Variants in DNAAF9 observed in about 807,000 individuals in gnomAD.
DNAAF9 encodes the protein dynein axonemal assembly factor 9.
DNAAF9 carries 90 observed loss-of-function variants against 167.0 expected under a neutral mutation model. The observed-to-expected ratio is 0.54, with a 90% CI of 0.45 to 0.64. DNAAF9 has a LOEUF of 0.64. Among genes scored for constraint, DNAAF9 ranks in the 30% least tolerant of loss-of-function variants. DNAAF9 has a pLI of 0.00. For synonymous variants in DNAAF9, 491 were observed against 508.8 expected, an observed-to-expected ratio of 0.96 and a Z score of 0.47; for missense variants, 1,315 against 1,442.2, an observed-to-expected ratio of 0.91 and a Z score of 1.43.
intron 12 of DNAAF9, among the ~76,000 whole-genome samples, chr20:3,328,266 C>G (rs1040876418): frequency 2.0e-5 from 3 of 151,486 alleles, no homozygotes; most frequent in Non-Finnish European, 4.4e-5. Flanking sequence ...ACTGCAACCT[C>G]TGCCTCCCGG....
At chr20:3,282,596 G>A (rs1952364462) in intron 27 of DNAAF9, among the ~76,000 whole-genome samples, 1 of 152,184 alleles carries the variant, frequency 6.6e-6, no homozygotes. Flanking sequence ...CACTCTGTGT[G>A]AAAGCCAAAG....
At chr20:3,360,623 G>A (rs1466829350) in intron 6 of DNAAF9, among the ~76,000 whole-genome samples, 2 of 152,138 alleles carry the variant, frequency 1.3e-5, no homozygotes, top group Non-Finnish European at 2.9e-5. Context: ...GGGATCTGCT[G>A]TGCACACCGG....
intron 25 of DNAAF9, among the ~76,000 whole-genome samples, chr20:3,290,604 T>C (rs1450495614): frequency 6.6e-6 from 1 of 152,112 alleles, no homozygotes; most frequent in African/African-American, 2.4e-5. Flanking sequence ...TTCAGGGATA[T>C]TATGACTTTT....
intron 28 of DNAAF9, among the ~76,000 whole-genome samples, chr20:3,279,451 G>A (rs1225377658): frequency 6.6e-6 from 1 of 152,190 alleles, no homozygotes; most frequent in African/African-American, 2.4e-5. Flanking sequence ...TGAATTACAA[G>A]TGAAGCAAGA....
intron 3 of DNAAF9, among the ~76,000 whole-genome samples, chr20:3,380,489 T>C (rs2083633755): frequency 6.6e-6 from 1 of 152,210 alleles, no homozygotes; most frequent in African/African-American, 2.4e-5. Context: ...CTGTGCATTG[T>C]AGATGTTTAG....
At position 3,300,202 on chromosome 20, in the gene DNAAF9, C is replaced by A. The variant is rs556634749; in HGVS notation, c.1783-2027G>T. Among the ~76,000 whole-genome samples, 36 of 152,280 alleles carry A rather than the reference C, an allele frequency of 2.4e-4. 1 individual carries two copies. The South Asian group carries it at 7.5e-3, about 32-fold the overall frequency. ...GTTAAGTGTGAGCCACTGCGCCCGG[C>A]AGCGTTTTCCTATCTGCAAAAAATG... On this transcript the variant is annotated intron_variant, in intron 21 of 36. Coordinates refer to ENST00000252032, the MANE Select transcript of DNAAF9 (RefSeq NM_001009984.3).
At chr20:3,389,482 G>A (rs950800679) in intron 1 of DNAAF9, among the ~76,000 whole-genome samples, 1 of 151,952 alleles carries the variant, frequency 6.6e-6, no homozygotes, top group Non-Finnish European at 1.5e-5. Context: ...GTTAAAAATA[G>A]TCAGCTGGGC....
intron 20 of DNAAF9, among the ~76,000 whole-genome samples, chr20:3,305,598 C>G (rs1306967508): frequency 6.6e-6 from 1 of 152,240 alleles, no homozygotes; most frequent in Non-Finnish European, 1.5e-5. Flanking sequence ...TGAGGGCTGC[C>G]TTCACATCCT....
At chr20:3,330,395 A>T (rs550445812) in intron 12 of DNAAF9, among the ~76,000 whole-genome samples, 279 of 151,914 alleles carry the variant, frequency 1.8e-3, no homozygotes, top group Non-Finnish European at 3.2e-3. Context: ...GGTGTGCACC[A>T]CTATGCCTGG....
intron 33 of DNAAF9, among the ~76,000 whole-genome samples, chr20:3,259,259 G>A (rs1484156608): frequency 6.6e-6 from 1 of 152,232 alleles, no homozygotes; most frequent in African/African-American, 2.4e-5. Flanking sequence ...AGGCGAGGAG[G>A]GCAAACCTCT....
intron 25 of DNAAF9, among the ~76,000 whole-genome samples, chr20:3,292,190 C>T (rs1242389460): frequency 1.3e-5 from 2 of 151,852 alleles, no homozygotes; most frequent in Admixed American, 6.6e-5. Flanking sequence ...AGTAGAGGCG[C>T]GGTTTCACCT....
chr20:3,286,675 C>G (rs2068858069), intron 27 of DNAAF9, among the ~76,000 whole-genome samples: 1 of 152,178 alleles, frequency 6.6e-6, no homozygotes, highest in African/African-American at 2.4e-5. Context: ...GGAAAGATGG[C>G]CTGCTAGGGT....
chr20:3,293,085 A>G (rs2068991785), intron 25 of DNAAF9, among the ~76,000 whole-genome samples: 1 of 151,658 alleles, frequency 6.6e-6, no homozygotes, highest in East Asian at 1.9e-4. Context: ...GACTCAAAAA[A>G]AAAAAAGACC....
rs181267755 is a variant in DNAAF9, at chr20:3,262,689, G to C, written c.2873+1749C>G. 2.1e-3 allele frequency among the ~76,000 whole-genome samples: 322 copies of C among 152,288 alleles called. 1 individual carries two copies. The highest frequency in any genetic ancestry group is 7.3e-3 in the African/African-American group (305 of 41,564). ...ACAGCACTTCTCTAGGCACCTGGTG[G>C]TGATTACAGGAGCCTCATGACCCAG... On this transcript the variant is annotated intron_variant, in intron 31 of 36. Transcript: ENST00000252032.
In DNAAF9 at chr20:3,407,337, T is replaced by C. The variant is rs149750934; in HGVS notation, c.83+138A>G. 956 of 711,292 alleles carry C rather than the reference T, an allele frequency of 1.3e-3. 24 individuals are homozygous for C. The Admixed American group carries it at 0.027, about 20-fold the overall frequency. 44.1% of individuals were successfully genotyped at this position (711,292 alleles called of 1,614,324 possible). A position where few individuals can be genotyped will look rare whatever the true frequency, so the allele number is the denominator to read the frequency against. The stretch of plus-strand genomic sequence containing the variant: ...CAGAGGGCGCCGTTCCTGGGAAAAA[T>C]TCCTCCCTGAGCCGTTCAGCAAAGA... On this transcript the variant is annotated intron_variant, in intron 1 of 36. Coordinates refer to ENST00000252032, the MANE Select transcript of DNAAF9 (RefSeq NM_001009984.3).
intron 34 of DNAAF9, 71 bp from the exon 35 acceptor site, chr20:3,255,355 G>T: frequency 1.1e-6 from 1 of 940,924 alleles, no homozygotes; most frequent in Non-Finnish European, 1.7e-6. Flanking sequence ...GGAGGGCTCT[G>T]GGCTCTATTA....
At chr20:3,327,178 C>A (rs937205780) in intron 12 of DNAAF9, among the ~76,000 whole-genome samples, 5 of 152,166 alleles carry the variant, frequency 3.3e-5, no homozygotes, top group African/African-American at 4.8e-5. Context: ...AGGGAACCAC[C>A]TAAGGTGGTT....
chr20:3,378,511 G>A (rs1438204966), intron 3 of DNAAF9, among the ~76,000 whole-genome samples: 1 of 152,190 alleles, frequency 6.6e-6, no homozygotes, highest in Non-Finnish European at 1.5e-5. Context: ...GTAAATGGAA[G>A]AGCCATGGGA....
chr20:3,272,943 C>T (rs1186976506), intron 29 of DNAAF9, among the ~76,000 whole-genome samples: 1 of 152,078 alleles, frequency 6.6e-6, no homozygotes, highest in African/African-American at 2.4e-5. Flanking sequence ...CTGCCTCAGA[C>T]TCCCGGCCTC....
Sources: gnomAD v4.1 joint callset for allele counts (sites outside exome capture counted in the v4.1 genomes callset) on GRCh38, gnomAD v4.1.1 for gene constraint, MANE v1.5 for transcripts, NCBI Gene and HGNC (gene_info 2026-07-23, HGNC 2026-07-21) for gene names.